The following HS1BP3 variants were observed in gnomAD, a reference collection of about 807,000 sequenced individuals.
HS1BP3 encodes the protein HCLS1 binding protein 3, also known as HCLS1-binding protein 3.
In HS1BP3, 32 loss-of-function variants were observed where a neutral mutation model predicts 33.5. The observed-to-expected ratio is 0.95, with a 90% CI of 0.72 to 1.28. The LOEUF (loss-of-function observed/expected upper bound fraction) is 1.28, where lower values mean the gene tolerates loss of function less well. Ranked by LOEUF, HS1BP3 falls within the 50% of genes most tolerant of loss-of-function variation. The probability of loss-of-function intolerance (pLI) is 0.00; values close to 1 mark genes in which losing one functional copy is unlikely to be tolerated. For missense variants in HS1BP3, 486 were observed against 502.3 expected (o/e 0.97, Z 0.31); for synonymous variants, 187 against 209.2 (o/e 0.89, Z 0.92).
chr2:20,589,667 C>G (rs2149278526), downstream of HS1BP3, among the ~76,000 whole-genome samples: 1 of 152,268 alleles, frequency 6.6e-6, no homozygotes, highest in South Asian at 2.1e-4. Flanking sequence ...CACCCCCAAC[C>G]CTGAGATTCA....
chr2:20,645,369 G>A lies in HS1BP3; in HGVS notation c.169C>T (p.His57Tyr), dbSNP rs1695485675. Reference sequence around the variant, plus strand: ...AACTGGACGACATCCTCGGGCCTGTGCTTGGCCGACTTGAACGCAGCCAGA... The same window carrying A: ...AACTGGACGACATCCTCGGGCCTGTACTTGGCCGACTTGAACGCAGCCAGA... ...TRLAAFKSAK[H>Y]RPEDVVQFLV... Residue 57 changes from histidine (H) to tyrosine (Y), a missense_variant, in exon 2 of 7, where the codon CAC becomes TAC. By Grantham distance (83) the His-to-Tyr change is moderately conservative. Transcript: ENST00000304031. 2 of 1,613,786 alleles carry A rather than the reference G, an allele frequency of 1.2e-6. No homozygotes were observed. The highest frequency in any genetic ancestry group is 2.2e-5 in the South Asian group (2 of 91,050).
At chr2:20,587,575 T>A (rs1196025863) in intron 5 of HS1BP3, among the ~76,000 whole-genome samples, 1 of 152,062 alleles carries the variant, frequency 6.6e-6, no homozygotes. Context: ...CATGGTCCCA[T>A]GGTAGGTCAG....
At chr2:20,631,105 G>A (rs981870237) in intron 4 of HS1BP3, among the ~76,000 whole-genome samples, 2 of 152,152 alleles carry the variant, frequency 1.3e-5, no homozygotes, top group African/African-American at 4.8e-5. Flanking sequence ...AGTGGGTCCT[G>A]GATGCAAGTC....
At chr2:20,590,334 G>A (rs1693781687), downstream of HS1BP3, among the ~76,000 whole-genome samples, 1 of 152,196 alleles carries the variant, frequency 6.6e-6, no homozygotes, top group Non-Finnish European at 1.5e-5. Context: ...GGAGAGACCA[G>A]TGGTGTCTGT....
At position 20,619,121 on chromosome 2, in the gene HS1BP3, T is replaced by TG. The variant is rs1261077195; in HGVS notation, c.1044dup (p.Lys349GlnfsTer6). The TG allele has an allele frequency of 6.2e-7, 1 of 1,614,150 alleles. No individual in the cohort carries two copies. Among genetic ancestry groups the TG allele is most frequent in the Non-Finnish European group, 8.5e-7 (1 of 1,180,010 alleles). On this transcript the variant is annotated frameshift_variant, in exon 7 of 7. Coordinates refer to ENST00000304031, the MANE Select transcript of HS1BP3 (RefSeq NM_022460.4). LOFTEE classifies it high-confidence loss of function. Reference sequence around the variant, plus strand: ...GCCACAGCTTCAGCCGGGCCCGCTTTGGGGGGAACAGCTGGTTTTCTGGGT... The same window carrying TG: ...GCCACAGCTTCAGCCGGGCCCGCTTTGGGGGGGAACAGCTGGTTTTCTGGGT...
intron 5 of HS1BP3, among the ~76,000 whole-genome samples, chr2:20,569,020 T>C (rs1693202227): frequency 2.0e-5 from 3 of 152,118 alleles, no homozygotes; most frequent in African/African-American, 7.2e-5. Context: ...CTGGTCGACT[T>C]CGGGCACCAA....
chr2:20,603,320 A>T (rs1244934443), intron 2 of HS1BP3, among the ~76,000 whole-genome samples: 19 of 152,260 alleles, frequency 1.2e-4, no homozygotes, highest in Non-Finnish European at 4.4e-5. Context: ...AAGGTGAAAA[A>T]AAGCCAAATG....
At chr2:20,593,414 C>T (rs1007420222) in intron 3 of HS1BP3, among the ~76,000 whole-genome samples, 1 of 152,182 alleles carries the variant, frequency 6.6e-6, no homozygotes, top group Non-Finnish European at 1.5e-5. Context: ...GCGGCTAGAA[C>T]AACGCTTGAC....
chr2:20,590,096 C>T (rs1029372677), downstream of HS1BP3, among the ~76,000 whole-genome samples: 6 of 152,168 alleles, frequency 3.9e-5, no homozygotes, highest in Non-Finnish European at 5.9e-5. Context: ...TCAGGCTGCC[C>T]GTGCTGGAGT....
intron 3 of HS1BP3, chr2:20,640,671 G>A (rs1474861603): frequency 5.2e-6 from 3 of 573,574 alleles, no homozygotes; most frequent in Non-Finnish European, 6.4e-6. Flanking sequence ...ATGGTCAGTC[G>A]GGGGGTGTCG....
chr2:20,612,649 G>A (rs566618274), intron 2 of HS1BP3, among the ~76,000 whole-genome samples: 17 of 152,196 alleles, frequency 1.1e-4, no homozygotes, highest in African/African-American at 2.4e-4. Context: ...CACTCCATTC[G>A]TTTTTGTGAT....
rs1360286837 is a variant in HS1BP3 at position 20,566,613 on chromosome 2, T to G, written c.303-6098A>C. Reference sequence around the variant, plus strand: ...AGTTTGTCACAGGTTTTTTTTTTTGTTTTTTTTTTTGAGATGGAGTTTTGC... The same window carrying G: ...AGTTTGTCACAGGTTTTTTTTTTTGGTTTTTTTTTTGAGATGGAGTTTTGC... On this transcript the variant is annotated intron_variant, in intron 5 of 5. Coordinates refer to the HS1BP3 transcript ENST00000446825. 4.3e-3 allele frequency among the ~76,000 whole-genome samples: 586 copies of G among 134,770 alleles called. 6 individuals are homozygous for G. Among genetic ancestry groups the G allele is most frequent in the African/African-American group, 0.019 (559 of 29,262 alleles). The allele number at this position is 134,770 out of a possible 152,430, so 88.4% of individuals were successfully genotyped here. A position where few individuals can be genotyped will look rare whatever the true frequency, so the allele number is the denominator to read the frequency against.
the HS1BP3 span, among the ~76,000 whole-genome samples, chr2:20,554,755 C>T: frequency 6.6e-6 from 1 of 150,820 alleles, no homozygotes. Context: ...AGTGCCTTGT[C>T]TTCCCTATAT....
At chr2:20,599,095 C>T (rs997438556) in intron 2 of HS1BP3, among the ~76,000 whole-genome samples, 9 of 152,234 alleles carry the variant, frequency 5.9e-5, no homozygotes, top group African/African-American at 2.2e-4. Flanking sequence ...GGCCTGTAGC[C>T]TGCTGGAGAT....
chr2:20,640,878 G>A (rs781426344), intron 3 of HS1BP3, 95 bp downstream of exon 3: 32 of 1,244,982 alleles, frequency 2.6e-5, no homozygotes, highest in Non-Finnish European at 3.7e-5. Flanking sequence ...CCAGGCTGCA[G>A]AGGCAGCTGT....
At chr2:20,602,311 T>G (rs1694088290) in intron 2 of HS1BP3, among the ~76,000 whole-genome samples, 1 of 152,118 alleles carries the variant, frequency 6.6e-6, no homozygotes, top group African/African-American at 2.4e-5. Flanking sequence ...AATCTTATAT[T>G]AATAAATAAC....
chr2:20,605,398 A>G (rs1055701913), intron 2 of HS1BP3, among the ~76,000 whole-genome samples: 3 of 152,086 alleles, frequency 2.0e-5, no homozygotes, highest in Non-Finnish European at 4.4e-5. Flanking sequence ...TGTTCCCATC[A>G]TGTCCTAGGT....
chr2:20,643,560 A>G (rs1217282761), intron 2 of HS1BP3, among the ~76,000 whole-genome samples: 1 of 152,212 alleles, frequency 6.6e-6, no homozygotes, highest in Non-Finnish European at 1.5e-5. Context: ...AGAGTCGGCC[A>G]CAGGAGCAAT....
At chr2:20,648,469 G>A (rs551020198) in intron 1 of HS1BP3, among the ~76,000 whole-genome samples, 6 of 152,272 alleles carry the variant, frequency 3.9e-5, no homozygotes, top group Non-Finnish European at 8.8e-5. Context: ...GGCACAGTCA[G>A]CCACTCCCCT....
Sources: gnomAD v4.1 joint callset for allele counts (sites outside exome capture counted in the v4.1 genomes callset) on GRCh38, gnomAD v4.1.1 for gene constraint, MANE v1.5 for transcripts, NCBI Gene and HGNC (gene_info 2026-07-23, HGNC 2026-07-21) for gene names.